SMARCA4: variants seen among roughly 807,000 people sequenced by gnomAD.
The protein encoded by SMARCA4 is SWI/SNF related BAF chromatin remodeling complex subunit ATPase 4, also known as SWI/SNF-related matrix-associated actin-dependent regulator of chromatin subfamily A member 4.
Under a neutral mutation model 193.9 loss-of-function variants are expected in SMARCA4, and 31 were observed. The observed-to-expected ratio is 0.16, with a 90% CI of 0.12 to 0.22. SMARCA4 has a LOEUF of 0.22. Among genes scored for constraint, SMARCA4 ranks in the 10% least tolerant of loss-of-function variants. The probability of loss-of-function intolerance (pLI) is 1.00; values close to 1 mark genes in which losing one functional copy is unlikely to be tolerated. For synonymous variants in SMARCA4, 942 were observed against 933.1 expected (o/e 1.01, Z -0.17); for missense variants, 1,148 against 2,296.0 (o/e 0.50, Z 10.22).
At chr19:11,051,197 T>C (rs1300487738) in intron 30 of SMARCA4, among the ~76,000 whole-genome samples, 1 of 151,988 alleles carries the variant, frequency 6.6e-6, no homozygotes, top group Non-Finnish European at 1.5e-5. Context: ...CCCCCAAGTC[T>C]CCCCCTCAGT....
In SMARCA4 at chr19:11,058,212, G is replaced by A. The variant is rs1292971008; in HGVS notation, c.4425-43G>A. ...GCTGAGGTGGGGTGGGGGCTCCCGG[G>A]TGGGCGGACTCGGGGGTGATAGCCG... On this transcript the variant is annotated intron_variant, in intron 30 of 34. Coordinates refer to ENST00000344626, the MANE Select transcript of SMARCA4 (RefSeq NM_003072.5). This position sits in a 1 kb window ranked among gnomAD's most constrained non-coding sequence, Gnocchi z 5.8. The A allele has an allele frequency of 2.9e-6, 4 of 1,372,700 alleles. No individual in the cohort carries two copies. Among genetic ancestry groups the A allele is most frequent in the Non-Finnish European group, 3.1e-6 (3 of 967,698 alleles). 85.0% of individuals were successfully genotyped at this position (1,372,700 alleles called of 1,614,324 possible).
intron 16 of SMARCA4, among the ~76,000 whole-genome samples, chr19:11,016,538 A>AATT (rs1300515386): frequency 9.2e-5 from 14 of 152,144 alleles, no homozygotes; most frequent in Non-Finnish European, 1.9e-4. Context: ...TTGTTTGGGT[A>AATT]ATTATTATAT....
chr19:10,962,291 C>T (rs780032266), intron 1 of SMARCA4, among the ~76,000 whole-genome samples: 43 of 152,274 alleles, frequency 2.8e-4, no homozygotes, highest in Admixed American at 7.2e-4. Context: ...CTGGTCCAAT[C>T]TCCCTCATTG....
intron 15 of SMARCA4, chr19:11,012,522 C>T (rs139220882): frequency 2.3e-5 from 6 of 259,968 alleles, no homozygotes; most frequent in Admixed American, 4.7e-5. Context: ...TTGGAAATCC[C>T]TCTCTTAATC....
Position 11,019,081 on chromosome 19 carries a change from C to G in SMARCA4, c.2505+58C>G, listed in dbSNP as rs2146363682. 7.7e-7 allele frequency: 1 copy of G among 1,305,150 alleles called. No homozygotes were observed. Among genetic ancestry groups the G allele is most frequent in the Non-Finnish European group, 1.1e-6 (1 of 898,164 alleles). The allele number at this position is 1,305,150 out of a possible 1,614,324, so 80.8% of individuals were successfully genotyped here. ...CTACGGAGGTGCAGGCGGTGGTGGG[C>G]AGGACGTCCACACATACCTCTGGAC... On this transcript the variant is annotated intron_variant, in intron 17 of 34. Transcript: ENST00000344626. This position sits in a 1 kb window ranked among gnomAD's most constrained non-coding sequence, Gnocchi z 6.1.
chr19:11,044,537 G>T (rs867558480), intron 30 of SMARCA4, among the ~76,000 whole-genome samples: 1 of 152,174 alleles, frequency 6.6e-6, no homozygotes, highest in South Asian at 2.1e-4. Context: ...AGGTGCTCAC[G>T]TCATTGCATT....
At chr19:11,001,433 G>A (rs1488099212) in intron 11 of SMARCA4, among the ~76,000 whole-genome samples, 1 of 152,076 alleles carries the variant, frequency 6.6e-6, no homozygotes, top group Non-Finnish European at 1.5e-5. Flanking sequence ...AATAACCATG[G>A]TACTGAGCCC....
Position 10,987,540 on chromosome 19 carries a change from G to A in SMARCA4, c.860-126G>A. On this transcript the variant is annotated intron_variant, in intron 5 of 34. Coordinates refer to ENST00000344626, the MANE Select transcript of SMARCA4 (RefSeq NM_003072.5). This position sits in a 1 kb window ranked among gnomAD's most constrained non-coding sequence, Gnocchi z 5.3. The stretch of plus-strand genomic sequence containing the variant: ...GCAGGTGTGAAGGACACCCCTGGGT[G>A]AAAGGTGGGAGATGGGCGGGGTCTG... 1 of 1,086,304 alleles carries A rather than the reference G, an allele frequency of 9.2e-7. No homozygotes were observed. Among genetic ancestry groups the A allele is most frequent in the East Asian group, 2.5e-5 (1 of 40,344 alleles). The allele number at this position is 1,086,304 out of a possible 1,614,324, so 67.3% of individuals were successfully genotyped here. A position where few individuals can be genotyped will look rare whatever the true frequency, so the allele number is the denominator to read the frequency against.
rs1060504467 is a variant in SMARCA4, at chr19:11,058,896, G to A, written c.4635+7G>A. 8 of 1,610,782 alleles carry A rather than the reference G, an allele frequency of 5.0e-6. No homozygotes were observed. The highest frequency in any genetic ancestry group is 6.8e-6 in the Non-Finnish European group (8 of 1,177,358). On this transcript the variant is annotated splice_region_variant and intron_variant, in intron 32 of 34. Coordinates refer to ENST00000344626, the MANE Select transcript of SMARCA4 (RefSeq NM_003072.5). The surrounding 1 kb of genome is among the most constrained non-coding windows in gnomAD (Gnocchi z 5.8). ...CAACCTGGAGGGCTCCCTGGTGAGG[G>A]CACCGCTGGGGGTTGGGGATGGGCC... is the stretch of plus-strand genomic sequence containing the variant.
chr19:11,039,478 C>A lies in SMARCA4; in HGVS notation c.4171-1829C>A. ...TGTAGAAAATTACAGGAAAAGATAT[C>A]CATGACACAGCCAGCAGTGTGGCAC... On this transcript the variant is annotated intron_variant, in intron 29 of 34. Transcript: ENST00000344626. 1 of 1,602,104 alleles carries A rather than the reference C, an allele frequency of 6.2e-7. No individual in the cohort carries two copies. Among genetic ancestry groups the A allele is most frequent in the East Asian group, 2.3e-5 (1 of 44,130 alleles).
intron 1 of SMARCA4, among the ~76,000 whole-genome samples, chr19:10,962,124 G>C (rs1000691676): frequency 6.6e-6 from 1 of 152,092 alleles, no homozygotes. Context: ...CAGTCACTTA[G>C]CACACTGTCA....
At chr19:10,997,735 A>G (rs147094408) in intron 11 of SMARCA4, among the ~76,000 whole-genome samples, 7 of 152,146 alleles carry the variant, frequency 4.6e-5, no homozygotes, top group Admixed American at 4.6e-4. Context: ...CCAAAGTGTT[A>G]GGATTATAGG....
At chr19:11,018,929 C>T in intron 16 of SMARCA4, 28 bp from the exon 17 acceptor site, 3 of 1,601,970 alleles carry the variant, frequency 1.9e-6, no homozygotes, top group Non-Finnish European at 2.6e-6. Context: ...GAGACCGGCA[C>T]TTGACTCTCA....
intron 15 of SMARCA4, chr19:11,010,900 G>C: frequency 2.8e-6 from 1 of 354,746 alleles, no homozygotes. Flanking sequence ...CCGGAGCTCA[G>C]ATCTGGGCAT....
In SMARCA4 at chr19:11,041,468, G is replaced by A; in HGVS notation, c.4332G>A (p.Gly1444=). The change falls in exon 30 of 35, where the codon GGG becomes GGA. Residue 1444 remains glycine (G), a synonymous_variant. Transcript: ENST00000344626. This position sits in a 1 kb window ranked among gnomAD's most constrained non-coding sequence, Gnocchi z 5.6. Reference sequence around the variant, plus strand: ...AGAGCAAGAAGCAGAAGAAGCGCGGGCGGCCGCCTGCCGAGAAACTCTCCC... The same window carrying A: ...AGAGCAAGAAGCAGAAGAAGCGCGGACGGCCGCCTGCCGAGAAACTCTCCC... ...DDESKKQKKR[G]RPPAEKLSPN... The A allele has an allele frequency of 6.2e-7, 1 of 1,612,580 alleles. No homozygotes were observed. The highest frequency in any genetic ancestry group is 8.5e-7 in the Non-Finnish European group (1 of 1,179,926).
intron 30 of SMARCA4, among the ~76,000 whole-genome samples, chr19:11,048,534 G>A (rs1230022457): frequency 6.6e-6 from 1 of 152,228 alleles, no homozygotes; most frequent in Non-Finnish European, 1.5e-5. Flanking sequence ...AGTGAACACG[G>A]GACGTTGTCC....
chr19:10,995,061 C>T, intron 9 of SMARCA4, 60 bp downstream of exon 9: 1 of 1,472,290 alleles, frequency 6.8e-7, no homozygotes, highest in Non-Finnish European at 9.3e-7. Flanking sequence ...CTGCGGGCTC[C>T]AGGGGTCACT....
rs777647740 is a variant in SMARCA4, at chr19:10,985,327, A to G, written c.277A>G (p.Met93Val). The change falls in exon 3 of 35, where the codon ATG becomes GTG. Residue 93 changes from methionine to valine, a missense_variant. By Grantham distance (21) the Met-to-Val change is conservative. Coordinates refer to ENST00000344626, the MANE Select transcript of SMARCA4 (RefSeq NM_003072.5). The surrounding 1 kb of genome is among the most constrained non-coding windows in gnomAD (Gnocchi z 4.5). ...GMSDDPRYNQ[M>V]KGMGMRSGGH... Reference sequence around the variant, plus strand: ...GTCGGACGACCCGCGCTACAACCAGATGAAAGGAATGGGGATGCGGTCAGG... The same window carrying G: ...GTCGGACGACCCGCGCTACAACCAGGTGAAAGGAATGGGGATGCGGTCAGG... 5.0e-6 allele frequency: 8 copies of G among 1,613,864 alleles called. No homozygotes were observed. The African/African-American group carries it at 8.0e-5, about 16-fold the overall frequency.
chr19:10,988,887 C>A (rs1006295094), intron 6 of SMARCA4, among the ~76,000 whole-genome samples: 1 of 152,198 alleles, frequency 6.6e-6, no homozygotes, highest in South Asian at 2.1e-4. Flanking sequence ...ACATAACCTT[C>A]GCATGTAACC....
Sources: allele counts gnomAD v4.1 joint callset (sites outside exome capture counted in the v4.1 genomes callset), GRCh38; gene constraint gnomAD v4.1.1; non-coding constraint Gnocchi (gnomAD v3.1); transcripts MANE v1.5; gene names NCBI Gene and HGNC (gene_info 2026-07-23, HGNC 2026-07-21).